The following FAM184B variants were observed in gnomAD, a reference collection of about 807,000 sequenced individuals.
The protein encoded by FAM184B is protein FAM184B.
Under a neutral mutation model 135.9 loss-of-function variants are expected in FAM184B, and 111 were observed. The observed-to-expected ratio is 0.82, with a 90% confidence interval of 0.70 to 0.96. FAM184B has a LOEUF of 0.96. Among genes scored for constraint, FAM184B ranks in the 40% least tolerant of loss-of-function variants. The probability of loss-of-function intolerance (pLI) is 0.00; values close to 1 mark genes in which losing one functional copy is unlikely to be tolerated. For synonymous variants in FAM184B, 552 were observed against 524.8 expected (o/e 1.05, Z -0.71); for missense variants, 1,375 against 1,323.9 (o/e 1.04, Z -0.60).
intron 6 of FAM184B, among the ~76,000 whole-genome samples, chr4:17,689,834 G>A (rs1716679658): frequency 1.3e-5 from 2 of 151,958 alleles, no homozygotes; most frequent in African/African-American, 4.8e-5. Context: ...CCTTTATAAG[G>A]TAGGCACTAC....
Position 17,630,282 on chromosome 4 carries a change from C to G in FAM184B, c.*2250G>C, listed in dbSNP as rs1266334744. The G allele has an allele frequency of 6.6e-6, 1 of 152,140 alleles. No individual in the cohort carries two copies. Among genetic ancestry groups the G allele is most frequent in the Non-Finnish European group, 1.5e-5 (1 of 68,024 alleles). The allele number at this position is 152,140 out of a possible 1,614,324, so 9.4% of individuals were successfully genotyped here. ...ATGTCCTGAATGTTGATGTCCCTTC[C>G]AAAATTCATATGTTGGAACCTAATG... On this transcript the variant is annotated 3_prime_UTR_variant, in exon 18 of 18. Transcript: ENST00000265018.
At chr4:17,766,110 T>G (rs6818661) in intron 1 of FAM184B, among the ~76,000 whole-genome samples, 1 of 152,116 alleles carries the variant, frequency 6.6e-6, no homozygotes, top group African/African-American at 2.4e-5. Context: ...AGAGCAAGAT[T>G]GGGAAGGTAA....
intron 7 of FAM184B, among the ~76,000 whole-genome samples, chr4:17,676,833 C>T (rs2058339): frequency 0.51 from 77,973 of 151,990 alleles, 22,832 homozygotes; most frequent in East Asian, 0.82. Context: ...ATATGCTGTA[C>T]AGGCTTGTAG....
chr4:17,681,332 G>A (rs2108952728), intron 7 of FAM184B, among the ~76,000 whole-genome samples: 1 of 152,158 alleles, frequency 6.6e-6, no homozygotes, highest in East Asian at 1.9e-4. Flanking sequence ...GGCTCCTAAG[G>A]AGGTCTTGGG....
intron 12 of FAM184B, among the ~76,000 whole-genome samples, chr4:17,644,308 C>CTG (rs1251030157): frequency 6.6e-6 from 1 of 152,150 alleles, no homozygotes; most frequent in African/African-American, 2.4e-5. Context: ...ACCAATATCC[C>CTG]TGATGAACAT....
chr4:17,771,451 T>A (rs1718816364), intron 1 of FAM184B, among the ~76,000 whole-genome samples: 1 of 152,128 alleles, frequency 6.6e-6, no homozygotes, highest in Non-Finnish European at 1.5e-5. Flanking sequence ...ACACAATGAA[T>A]CACATCGCTA....
At chr4:17,762,292 A>ATCT (rs1718565052) in intron 1 of FAM184B, among the ~76,000 whole-genome samples, 2 of 152,230 alleles carry the variant, frequency 1.3e-5, no homozygotes, top group Admixed American at 6.5e-5. Flanking sequence ...CAGACTCAGA[A>ATCT]AAGATGCTCA....
chr4:17,640,580 TAAAAA>T (rs896099286), intron 13 of FAM184B, among the ~76,000 whole-genome samples: 1 of 89,128 alleles, frequency 1.1e-5, no homozygotes, highest in African/African-American at 3.7e-5. Context: ...TGACAAATAT[TAAAAA>T]AAAGGAATCC....
At chr4:17,721,382 T>TAAAAAAAAAAAAAAA (rs1717522850) in intron 1 of FAM184B, among the ~76,000 whole-genome samples, 3 of 3,628 alleles carry the variant, frequency 8.3e-4, no homozygotes, top group Admixed American at 2.7e-3. Flanking sequence ...AGATTCTGTC[T>TAAAAAAAAAAAAAAA]CAAAAAAAAA....
intron 1 of FAM184B, among the ~76,000 whole-genome samples, chr4:17,765,863 C>CG (rs1220281602): frequency 9.9e-5 from 15 of 152,152 alleles, no homozygotes; most frequent in African/African-American, 3.6e-4. Flanking sequence ...CTGGAGAGTT[C>CG]GGGGTCTCCC....
chr4:17,741,487 A>G (rs1310110944), intron 1 of FAM184B, among the ~76,000 whole-genome samples: 1 of 152,002 alleles, frequency 6.6e-6, no homozygotes, highest in African/African-American at 2.4e-5. Flanking sequence ...TGAGGTCAGG[A>G]GTTTGAGACC....
At chr4:17,708,023 A>G (rs1184313380) in intron 2 of FAM184B, among the ~76,000 whole-genome samples, 1 of 152,164 alleles carries the variant, frequency 6.6e-6, no homozygotes, top group Non-Finnish European at 1.5e-5. Flanking sequence ...TAGAAATACT[A>G]ACTGCTGCTA....
chr4:17,652,785 C>T lies in FAM184B; in HGVS notation c.2191+45G>A, dbSNP rs759575215. On this transcript the variant is annotated intron_variant, in intron 11 of 17. Coordinates refer to ENST00000265018, the MANE Select transcript of FAM184B (RefSeq NM_015688.2). ...TTGTCTCTGGTTTCTACATGCAGAC[C>T]CTGCAGTTGGCCAGGCCCTCCTCAG... The T allele has an allele frequency of 4.6e-6, 7 of 1,525,864 alleles. No individual in the cohort carries two copies. The East Asian group carries it at 9.9e-5, about 22-fold the overall frequency. 94.5% of individuals were successfully genotyped at this position (1,525,864 alleles called of 1,614,324 possible).
chr4:17,757,020 A>G (rs755117807), intron 1 of FAM184B, among the ~76,000 whole-genome samples: 10 of 152,248 alleles, frequency 6.6e-5, no homozygotes, highest in South Asian at 4.1e-4. Context: ...GACTGATAAC[A>G]TCACAAAAAG....
intron 1 of FAM184B, among the ~76,000 whole-genome samples, chr4:17,729,438 G>A (rs1249996907): frequency 6.6e-6 from 1 of 152,232 alleles, no homozygotes; most frequent in Non-Finnish European, 1.5e-5. Context: ...CTGAGAACGG[G>A]CAGACTGCCT....
At chr4:17,650,740 G>A (rs376619169) in intron 11 of FAM184B, among the ~76,000 whole-genome samples, 7 of 152,136 alleles carry the variant, frequency 4.6e-5, no homozygotes, top group Admixed American at 2.0e-4. Flanking sequence ...GGAAGTCTAC[G>A]AAACTCTTTC....
Position 17,629,638 on chromosome 4 carries a change from GT to G in FAM184B, c.*2893del, listed in dbSNP as rs902949202. 6.6e-6 allele frequency: 1 copy of G among 152,074 alleles called. No homozygotes were observed. The highest frequency in any genetic ancestry group is 2.4e-5 in the African/African-American group (1 of 41,404). The allele number at this position is 152,074 out of a possible 1,614,324, so 9.4% of individuals were successfully genotyped here. A position where few individuals can be genotyped will look rare whatever the true frequency, so the allele number is the denominator to read the frequency against. ...CTGAAGAGATTTACCATTAAATACT[GT>G]TTTTTTCTCTCTCTTAACTTAATCC... On this transcript the variant is annotated 3_prime_UTR_variant, in exon 18 of 18. Coordinates refer to ENST00000265018, the MANE Select transcript of FAM184B (RefSeq NM_015688.2).
At position 17,666,906 on chromosome 4, in the gene FAM184B, C is replaced by A. The variant is rs372761614; in HGVS notation, c.1597-2247G>T. On this transcript the variant is annotated intron_variant, in intron 7 of 17. Transcript: ENST00000265018. Reference sequence around the variant, plus strand: ...CGGGCCACTCCAGATAGCAGGGGGACCACTCTCTCCCATACTTGCCCTACA... The same window carrying A: ...CGGGCCACTCCAGATAGCAGGGGGAACACTCTCTCCCATACTTGCCCTACA... Among the ~76,000 whole-genome samples the A allele has an allele frequency of 6.1e-4, 92 of 151,820 alleles. 2 individuals are homozygous for A. In the South Asian group the frequency reaches 0.018, roughly 30 times the overall value.
chr4:17,734,492 C>T (rs1717861425), intron 1 of FAM184B, among the ~76,000 whole-genome samples: 1 of 152,032 alleles, frequency 6.6e-6, no homozygotes, highest in African/African-American at 2.4e-5. Context: ...CAAGAAAAAA[C>T]AAACAACCCC....
Sources: gnomAD v4.1 joint callset for allele counts (sites outside exome capture counted in the v4.1 genomes callset) on GRCh38, gnomAD v4.1.1 for gene constraint, MANE v1.5 for transcripts, NCBI Gene and HGNC (gene_info 2026-07-23, HGNC 2026-07-21) for gene names.